ZSCAN25: variants seen among roughly 807,000 people sequenced by gnomAD.
The protein encoded by ZSCAN25 is zinc finger and SCAN domain-containing protein 25.
A neutral mutation model predicts 38.7 loss-of-function variants in ZSCAN25; 27 were observed. The observed-to-expected ratio is 0.70, with a 90% CI of 0.51 to 0.96. The LOEUF (loss-of-function observed/expected upper bound fraction) is 0.96, where lower values mean the gene tolerates loss of function less well. Among genes scored for constraint, ZSCAN25 ranks in the 40% least tolerant of loss-of-function variants. The probability of loss-of-function intolerance (pLI) is 0.00; values close to 1 mark genes in which losing one functional copy is unlikely to be tolerated. For synonymous variants in ZSCAN25, 273 were observed against 277.7 expected (o/e 0.98, Z 0.17); for missense variants, 637 against 705.9 (o/e 0.90, Z 1.11).
chr7:99,705,702 T>C, the ZSCAN25 span: 1 of 1,356,150 alleles, frequency 7.4e-7, no homozygotes, highest in South Asian at 1.2e-5. Context: ...TGTAAACATA[T>C]AAAAACTACT....
chr7:99,645,164 T>C, the ZSCAN25 span, among the ~76,000 whole-genome samples: 1 of 152,226 alleles, frequency 6.6e-6, no homozygotes, highest in African/African-American at 2.4e-5. Context: ...CTAATTTTTG[T>C]ATTTTTAGTA....
the ZSCAN25 span, chr7:99,685,010 T>C: frequency 1.5e-6 from 1 of 661,124 alleles, no homozygotes; most frequent in African/African-American, 1.8e-5. Context: ...ACAGAATCCC[T>C]GGTTATTTAT....
the ZSCAN25 span, among the ~76,000 whole-genome samples, chr7:99,734,707 C>T: frequency 5.3e-5 from 8 of 151,544 alleles, no homozygotes; most frequent in East Asian, 5.8e-4. Flanking sequence ...CTGCAACCTC[C>T]GCCTCCCAGG....
the ZSCAN25 span, chr7:99,660,485 G>C: frequency 3.1e-6 from 5 of 1,600,810 alleles, no homozygotes; most frequent in Non-Finnish European, 4.3e-6. Flanking sequence ...CATCTCCAGG[G>C]GTCATCCCCT....
the ZSCAN25 span, chr7:99,710,895 G>A: frequency 6.2e-7 from 1 of 1,613,562 alleles, no homozygotes; most frequent in African/African-American, 1.3e-5. Context: ...AGACAGAGCT[G>A]AAAGGAGAGA....
chr7:99,636,574 A>T (rs1236208884), downstream of ZSCAN25, among the ~76,000 whole-genome samples: 1 of 152,220 alleles, frequency 6.6e-6, no homozygotes, highest in Non-Finnish European at 1.5e-5. Context: ...GTTTTCAGAC[A>T]CACTCATAAA....
the ZSCAN25 span, among the ~76,000 whole-genome samples, chr7:99,714,980 G>T: frequency 2.6e-5 from 4 of 152,178 alleles, no homozygotes; most frequent in East Asian, 1.9e-4. Flanking sequence ...TTGGGCTAGG[G>T]TCTCTTAGGA....
At chr7:99,684,520 A>T in the ZSCAN25 span, among the ~76,000 whole-genome samples, 5,518 of 152,310 alleles carry the variant, frequency 0.036, 309 homozygotes, top group African/African-American at 0.12. Flanking sequence ...GGGCAAAGTC[A>T]CAGTGGATTA....
chr7:99,720,514 C>G, the ZSCAN25 span: 1 of 1,275,810 alleles, frequency 7.8e-7, no homozygotes, highest in Non-Finnish European at 1.1e-6. Context: ...ACATAATCCT[C>G]TAGATGTACA....
intron 5 of ZSCAN25, chr7:99,622,326 C>T: frequency 3.5e-6 from 2 of 573,974 alleles, no homozygotes; most frequent in South Asian, 2.1e-5. Flanking sequence ...GACAATCTTG[C>T]CAGCTGAGAA....
chr7:99,734,385 C>T, the ZSCAN25 span, among the ~76,000 whole-genome samples: 1 of 152,102 alleles, frequency 6.6e-6, no homozygotes, highest in South Asian at 2.1e-4. Flanking sequence ...TCTCCTGCAA[C>T]TTAAAGGGAA....
At chr7:99,661,327 G>A in the ZSCAN25 span, among the ~76,000 whole-genome samples, 1 of 152,180 alleles carries the variant, frequency 6.6e-6, no homozygotes, top group African/African-American at 2.4e-5. Flanking sequence ...TGATTTGTGT[G>A]CACAACCTCA....
chr7:99,662,954 C>G, the ZSCAN25 span: 1 of 1,593,390 alleles, frequency 6.3e-7, no homozygotes, highest in Non-Finnish European at 8.6e-7. The surrounding 1 kb of genome is among the most constrained non-coding windows in gnomAD (Gnocchi z 4.3). Context: ...AAAGTGCAGT[C>G]CTCAACCTCC....
At chr7:99,717,426 G>A in the ZSCAN25 span, 12 of 1,582,188 alleles carry the variant, frequency 7.6e-6, no homozygotes, top group Non-Finnish European at 9.5e-6. Context: ...CTCAAATTCA[G>A]CAGACTACTC....
chr7:99,728,440 A>C, the ZSCAN25 span, among the ~76,000 whole-genome samples: 1 of 152,152 alleles, frequency 6.6e-6, no homozygotes, highest in African/African-American at 2.4e-5. Flanking sequence ...CAGTTGCCCC[A>C]TCAATCCCCA....
At chr7:99,678,107 T>C in the ZSCAN25 span, among the ~76,000 whole-genome samples, 1 of 152,246 alleles carries the variant, frequency 6.6e-6, no homozygotes, top group East Asian at 1.9e-4. Flanking sequence ...ATTTTCTGAC[T>C]CCTGGGCTGC....
downstream of ZSCAN25, among the ~76,000 whole-genome samples, chr7:99,635,773 C>T (rs1184958475): frequency 3.3e-5 from 5 of 152,112 alleles, no homozygotes; most frequent in Admixed American, 6.5e-5. Flanking sequence ...ATGGGCTGGG[C>T]GCGGTGGCTC....
chr7:99,712,741 A>G, the ZSCAN25 span, among the ~76,000 whole-genome samples: 8 of 152,314 alleles, frequency 5.3e-5, no homozygotes, highest in South Asian at 1.7e-3. Context: ...TGCTCTCTAG[A>G]ACCAATGATT....
In ZSCAN25 at chr7:99,632,332, AG is replaced by A. The variant is rs796797632; in HGVS notation, c.*2313del. ...TATTCTTTAGAAATTTTTTTATAAT[AG>A]ATAATTTCAAACCTATATAAATAAA... On this transcript the variant is annotated 3_prime_UTR_variant, in exon 8 of 8. Transcript: ENST00000394152. The A allele has an allele frequency of 2.6e-6, 2 of 776,542 alleles. No individual in the cohort carries two copies. The highest frequency in any genetic ancestry group is 4.6e-5 in the African/African-American group (2 of 43,076). 48.1% of individuals were successfully genotyped at this position (776,542 alleles called of 1,614,324 possible).
Sources: allele counts gnomAD v4.1 joint callset (sites outside exome capture counted in the v4.1 genomes callset), GRCh38; gene constraint gnomAD v4.1.1; non-coding constraint Gnocchi (gnomAD v3.1); transcripts MANE v1.5; gene names NCBI Gene and HGNC (gene_info 2026-07-23, HGNC 2026-07-21).